Variants in RSPO1 observed in about 807,000 individuals in gnomAD.
RSPO1 encodes the protein R-spondin 1, also known as R-spondin-1.
Under a neutral mutation model 26.0 loss-of-function variants are expected in RSPO1, and 18 were observed. The observed-to-expected ratio is 0.69, with a 90% confidence interval of 0.48 to 1.03. The LOEUF is 1.03. Ranked by LOEUF, RSPO1 falls within the 50% of genes least tolerant of loss-of-function variation. The pLI, the probability that RSPO1 is intolerant of heterozygous loss-of-function variation, is 0.00. For missense variants in RSPO1, 309 were observed against 352.3 expected, an observed-to-expected ratio of 0.88 and a Z score of 0.98; for synonymous variants, 133 against 137.4, an observed-to-expected ratio of 0.97 and a Z score of 0.22.
intron 3 of RSPO1, among the ~76,000 whole-genome samples, chr1:37,629,078 T>A (rs1167262210): frequency 3.9e-5 from 6 of 152,206 alleles, no homozygotes; most frequent in Non-Finnish European, 8.8e-5. Context: ...CCCTCCCTAC[T>A]CCACTGTTCC....
chr1:37,631,692 A>G (rs1644363058), intron 2 of RSPO1, among the ~76,000 whole-genome samples: 1 of 152,370 alleles, frequency 6.6e-6, no homozygotes, highest in South Asian at 2.1e-4. Context: ...AAATGAGTTA[A>G]TACACAAAAC....
intron 1 of RSPO1, among the ~76,000 whole-genome samples, chr1:37,632,645 T>C (rs1025792360): frequency 6.6e-6 from 1 of 152,096 alleles, no homozygotes; most frequent in African/African-American, 2.4e-5. Context: ...AAAAGAGGAG[T>C]GGAAAATCCA....
At chr1:37,618,002 T>G (rs1644143053) in intron 3 of RSPO1, among the ~76,000 whole-genome samples, 1 of 152,186 alleles carries the variant, frequency 6.6e-6, no homozygotes, top group South Asian at 2.1e-4. Flanking sequence ...ATTTGTCCTT[T>G]AGGAAGTAGA....
Position 37,616,734 on chromosome 1 carries a change from T to C in RSPO1, c.95-59A>G, listed in dbSNP as rs1162834760. ...GTGGAGAGAACCTCACCTATCCAGA[T>C]TCTGACAAGGATGGGAAGTGAATAG... is the stretch of plus-strand genomic sequence containing the variant. On this transcript the variant is annotated intron_variant, in intron 3 of 6. Coordinates refer to ENST00000356545, the MANE Select transcript of RSPO1 (RefSeq NM_001242908.2). The C allele has an allele frequency of 2.1e-6, 3 of 1,453,786 alleles. No individual in the cohort carries two copies. In the African/African-American group the frequency reaches 4.2e-5, roughly 20 times the overall value. 90.1% of individuals were successfully genotyped at this position (1,453,786 alleles called of 1,614,324 possible). A position where few individuals can be genotyped will look rare whatever the true frequency, so the allele number is the denominator to read the frequency against.
chr1:37,615,680 TC>T (rs1644100410), intron 4 of RSPO1, among the ~76,000 whole-genome samples: 1 of 152,158 alleles, frequency 6.6e-6, no homozygotes, highest in Non-Finnish European at 1.5e-5. Context: ...ACTGGCATTG[TC>T]CCCCGAGTGT....
intron 3 of RSPO1, 90 bp from the exon 4 acceptor site, chr1:37,616,765 T>G: frequency 8.2e-7 from 1 of 1,213,722 alleles, no homozygotes; most frequent in Non-Finnish European, 1.2e-6. Flanking sequence ...AATAGATCGA[T>G]GTTTCCTTCC....
In RSPO1 at chr1:37,614,271, C is replaced by T. The variant is rs1557429476; in HGVS notation, c.349G>A (p.Gly117Ser). 2 of 1,613,844 alleles carry T rather than the reference C, an allele frequency of 1.2e-6. No homozygotes were observed. Among genetic ancestry groups the T allele is most frequent in the Admixed American group, 1.7e-5 (1 of 60,026 alleles). ...SHNFCTKCKE[G>S]LYLHKGRCYP... Reference sequence around the variant, plus strand: ...CAGCGGCCCTTGTGCAGGTACAAGCCCTCCTTACACTTGGTGCAGAAGTTA... The same window carrying T: ...CAGCGGCCCTTGTGCAGGTACAAGCTCTCCTTACACTTGGTGCAGAAGTTA... The change falls in exon 5 of 7, where the codon GGC becomes AGC. Residue 117 changes from glycine (G) to serine (S), a missense_variant. Coordinates refer to ENST00000356545, the MANE Select transcript of RSPO1 (RefSeq NM_001242908.2).
Position 37,629,862 on chromosome 1 carries a change from C to A in RSPO1, c.-201G>T, listed in dbSNP as rs1644331326. 2 of 1,550,564 alleles carry A rather than the reference C, an allele frequency of 1.3e-6. No individual in the cohort carries two copies. Among genetic ancestry groups the A allele is most frequent in the African/African-American group, 2.7e-5 (2 of 73,030 alleles). ...TTCTCCATCAGCTCAAAGGGAGGTC[C>A]TCAAAGAGAGACTTCCTCAAAGATA... On this transcript the variant is annotated 5_prime_UTR_variant, in exon 3 of 7. In the 5' UTR this introduces an upstream ATG that the reference lacks. Coordinates refer to ENST00000356545, the MANE Select transcript of RSPO1 (RefSeq NM_001242908.2).
chr1:37,629,948 A>G lies in RSPO1; in HGVS notation c.-287T>C, dbSNP rs1557440373. 3 of 1,290,220 alleles carry G rather than the reference A, an allele frequency of 2.3e-6. No individual in the cohort carries two copies. The highest frequency in any genetic ancestry group is 1.5e-5 in the African/African-American group (1 of 67,996). The allele number at this position is 1,290,220 out of a possible 1,614,324, so 79.9% of individuals were successfully genotyped here. A position where few individuals can be genotyped will look rare whatever the true frequency, so the allele number is the denominator to read the frequency against. ...TCAGCAGGGACTACTCCAAAAACCA[A>G]CCTGTCAGGGAAGGAGAAAGAAGGG... On this transcript the variant is annotated splice_region_variant and 5_prime_UTR_variant, in exon 3 of 7. Coordinates refer to ENST00000356545, the MANE Select transcript of RSPO1 (RefSeq NM_001242908.2).
chr1:37,614,506 C>A (rs1207825595), intron 4 of RSPO1, among the ~76,000 whole-genome samples, 173 bp from the exon 5 acceptor site: 1 of 152,188 alleles, frequency 6.6e-6, no homozygotes, highest in Non-Finnish European at 1.5e-5. Context: ...AAAGGAAGGG[C>A]AGTGGCAGGC....
intron 3 of RSPO1, among the ~76,000 whole-genome samples, chr1:37,619,911 C>CT (rs1285804831): frequency 6.6e-6 from 1 of 151,980 alleles, no homozygotes. Context: ...CCATGCCTGT[C>CT]TAAGTTTTTG....
chr1:37,629,370 G>A (rs937359353), intron 3 of RSPO1, among the ~76,000 whole-genome samples, 198 bp downstream of exon 3: 3 of 152,082 alleles, frequency 2.0e-5, no homozygotes, highest in African/African-American at 7.3e-5. Flanking sequence ...CTACAGAGTG[G>A]GTAATCTCAG....
Position 37,629,910 on chromosome 1 carries a change from T to G in RSPO1, c.-249A>C. On this transcript the variant is annotated 5_prime_UTR_variant, in exon 3 of 7. Transcript: ENST00000356545. ...ATACCTCGGAATATCATATGAGAGA[T>G]CTTTTTGTCACGTCAGCAGGGACTA... is the stretch of plus-strand genomic sequence containing the variant. 6.5e-7 allele frequency: 1 copy of G among 1,544,136 alleles called. No individual in the cohort carries two copies. The highest frequency in any genetic ancestry group is 8.8e-7 in the Non-Finnish European group (1 of 1,141,068).
Position 37,613,052 on chromosome 1 carries a change from T to C in RSPO1, c.626-131A>G, listed in dbSNP as rs900065189. 1.9e-5 allele frequency: 19 copies of C among 994,744 alleles called. No homozygotes were observed. Among genetic ancestry groups the C allele is most frequent in the Non-Finnish European group, 2.5e-5 (16 of 649,620 alleles). 61.6% of individuals were successfully genotyped at this position (994,744 alleles called of 1,614,324 possible). A position where few individuals can be genotyped will look rare whatever the true frequency, so the allele number is the denominator to read the frequency against. ...CAGGGAGGAGGCTGGAGATGCTGCC[T>C]CTAGGTAGTTGGGTCATCGTGACCT... On this transcript the variant is annotated intron_variant, in intron 6 of 6. Transcript: ENST00000356545. This position sits in a 1 kb window ranked among gnomAD's most constrained non-coding sequence, Gnocchi z 4.5.
intron 3 of RSPO1, among the ~76,000 whole-genome samples, chr1:37,620,492 G>A (rs1233023696): frequency 2.6e-5 from 4 of 152,112 alleles, no homozygotes; most frequent in African/African-American, 4.8e-5. Flanking sequence ...TTAGCTGGCC[G>A]TGGTGGCATG....
chr1:37,620,905 C>G (rs1424709195), intron 3 of RSPO1, among the ~76,000 whole-genome samples: 1 of 152,042 alleles, frequency 6.6e-6, no homozygotes, highest in Non-Finnish European at 1.5e-5. Context: ...ATGAATGCGC[C>G]CTCTAGGTTT....
chr1:37,612,392 G>T lies in RSPO1; in HGVS notation c.*363C>A. 3.3e-6 allele frequency: 1 copy of T among 303,034 alleles called. No homozygotes were observed. The highest frequency in any genetic ancestry group is 6.3e-6 in the Non-Finnish European group (1 of 158,082). The allele number at this position is 303,034 out of a possible 1,614,324, so 18.8% of individuals were successfully genotyped here. A position where few individuals can be genotyped will look rare whatever the true frequency, so the allele number is the denominator to read the frequency against. On this transcript the variant is annotated 3_prime_UTR_variant, in exon 7 of 7. Transcript: ENST00000356545. ...TCCAGAAGGCTCCCCTCTGCAGTTT[G>T]GTCTCAGATGCTGGGAAGTGTTGTC...
intron 5 of RSPO1, 32 bp downstream of exon 5, chr1:37,614,152 A>G (rs1369079013): frequency 1.2e-6 from 2 of 1,609,760 alleles, no homozygotes; most frequent in Non-Finnish European, 1.7e-6. Flanking sequence ...GGGGTCCTGG[A>G]CCCTCTGCCC....
At chr1:37,614,494 G>A (rs1490483379) in intron 4 of RSPO1, among the ~76,000 whole-genome samples, 161 bp from the exon 5 acceptor site, 1 of 152,218 alleles carries the variant, frequency 6.6e-6, no homozygotes, top group East Asian at 1.9e-4. Flanking sequence ...GGGAGGAAAG[G>A]GAAAGGAAGG....
Sources: gnomAD v4.1 joint callset for allele counts (sites outside exome capture counted in the v4.1 genomes callset) on GRCh38, gnomAD v4.1.1 for gene constraint, Gnocchi (gnomAD v3.1) non-coding constraint, MANE v1.5 for transcripts, NCBI Gene and HGNC (gene_info 2026-07-23, HGNC 2026-07-21) for gene names.